The following RAPGEF6 variants were observed in gnomAD, a reference collection of about 807,000 sequenced individuals.
RAPGEF6 encodes PDZ domain containing guanine nucleotide exchange factor (GEF) 2.
Under a neutral mutation model 171.4 loss-of-function variants are expected in RAPGEF6, and 56 were observed. The observed-to-expected ratio is 0.33, with a 90% CI of 0.26 to 0.41. The LOEUF is 0.41. Ranked by LOEUF, RAPGEF6 falls within the 10% of genes least tolerant of loss-of-function variation. The probability of loss-of-function intolerance (pLI) is 1.00; values close to 1 mark genes in which losing one functional copy is unlikely to be tolerated. For missense variants in RAPGEF6, 1,674 were observed against 1,921.4 expected (o/e 0.87, Z 2.41); for synonymous variants, 692 against 650.1 (o/e 1.06, Z -0.98).
intron 15 of RAPGEF6, among the ~76,000 whole-genome samples, chr5:131,486,645 T>C (rs1284425032): frequency 6.6e-6 from 1 of 152,112 alleles, no homozygotes; most frequent in Non-Finnish European, 1.5e-5. Flanking sequence ...CAAACAAATG[T>C]TTTTGTCTGT....
chr5:131,533,737 T>C (rs1257954552), intron 6 of RAPGEF6, among the ~76,000 whole-genome samples: 1 of 152,052 alleles, frequency 6.6e-6, no homozygotes, highest in Non-Finnish European at 1.5e-5. Flanking sequence ...CTACACAACA[T>C]GGTACTTTCC....
intron 1 of RAPGEF6, among the ~76,000 whole-genome samples, chr5:131,607,288 A>G (rs1166019561): frequency 6.6e-6 from 1 of 152,178 alleles, no homozygotes; most frequent in Admixed American, 6.5e-5. Context: ...AATAGTTTCT[A>G]TTGTATTCTA....
At chr5:131,469,697 T>G in intron 17 of RAPGEF6, 1 of 817,972 alleles carries the variant, frequency 1.2e-6, no homozygotes, top group Non-Finnish European at 1.8e-6. Flanking sequence ...AGAAAAGTTG[T>G]GCTTACTACT....
intron 3 of RAPGEF6, among the ~76,000 whole-genome samples, chr5:131,601,497 GA>G (rs1456986253): frequency 6.6e-6 from 1 of 151,496 alleles, no homozygotes; most frequent in Non-Finnish European, 1.5e-5. Context: ...CAAATCAACA[GA>G]AATGATAAAG....
chr5:131,463,371 G>C (rs563815152), intron 18 of RAPGEF6, among the ~76,000 whole-genome samples: 34 of 152,238 alleles, frequency 2.2e-4, no homozygotes, highest in African/African-American at 8.2e-4. Context: ...TTGAGGTAAG[G>C]AGTTTGAGAC....
rs1221559561 is a variant in RAPGEF6, at chr5:131,424,339, T to A, written c.*2927A>T. 2 of 152,354 alleles carry A rather than the reference T, an allele frequency of 1.3e-5. No individual in the cohort carries two copies. The highest frequency in any genetic ancestry group is 2.9e-5 in the Non-Finnish European group (2 of 68,034). 9.4% of individuals were successfully genotyped at this position (152,354 alleles called of 1,614,324 possible). ...CAAGTTTAAATTTGAACATGTACTG[T>A]GACACTTTTGACACTTTTCTGAAGA... is the stretch of plus-strand genomic sequence containing the variant. On this transcript the variant is annotated 3_prime_UTR_variant, in exon 28 of 28. Coordinates refer to ENST00000509018, the MANE Select transcript of RAPGEF6 (RefSeq NM_016340.6).
intron 1 of RAPGEF6, among the ~76,000 whole-genome samples, chr5:131,606,931 G>T (rs1422870): frequency 0.63 from 96,421 of 151,968 alleles, 32,403 homozygotes; most frequent in Non-Finnish European, 0.77. Context: ...GAGGCTCTAC[G>T]GGGTAAAAGC....
intron 5 of RAPGEF6, among the ~76,000 whole-genome samples, chr5:131,548,926 T>A (rs1316212625): frequency 6.6e-6 from 1 of 152,150 alleles, no homozygotes; most frequent in Non-Finnish European, 1.5e-5. Context: ...AAGCCAGGCA[T>A]GGTGGTGTGC....
intron 1 of RAPGEF6, among the ~76,000 whole-genome samples, chr5:131,630,693 T>C (rs1403915326): frequency 2.0e-5 from 3 of 152,194 alleles, no homozygotes; most frequent in East Asian, 3.8e-4. Context: ...CTGTACTTGA[T>C]GTCTGGCTCA....
chr5:131,433,313 T>G (rs1751822622), intron 25 of RAPGEF6, 117 bp downstream of exon 25: 1 of 798,092 alleles, frequency 1.3e-6, no homozygotes, highest in African/African-American at 1.7e-5. Context: ...CCACATATTC[T>G]TTTATGGATA....
intron 15 of RAPGEF6, among the ~76,000 whole-genome samples, chr5:131,480,738 C>T (rs1755415939): frequency 6.6e-6 from 1 of 152,076 alleles, no homozygotes; most frequent in African/African-American, 2.4e-5. Context: ...CTCGGCCTCC[C>T]AAAGTGCTGG....
intron 2 of RAPGEF6, among the ~76,000 whole-genome samples, chr5:131,603,785 T>C (rs1464545222): frequency 6.6e-6 from 1 of 151,924 alleles, no homozygotes; most frequent in Non-Finnish European, 1.5e-5. Flanking sequence ...CTGATATAAT[T>C]ATTTGGCATA....
chr5:131,622,493 T>A (rs991256601), intron 1 of RAPGEF6, among the ~76,000 whole-genome samples: 3 of 152,248 alleles, frequency 2.0e-5, no homozygotes, highest in Non-Finnish European at 4.4e-5. Context: ...GCAATTTTAT[T>A]AAAATAGTGG....
intron 15 of RAPGEF6, among the ~76,000 whole-genome samples, chr5:131,485,102 G>A (rs868757271): frequency 6.6e-6 from 1 of 151,984 alleles, no homozygotes; most frequent in African/African-American, 2.4e-5. Context: ...AAATTTTAGT[G>A]TTTTGTAGAG....
intron 19 of RAPGEF6, among the ~76,000 whole-genome samples, chr5:131,457,144 C>T (rs997152756): frequency 2.0e-5 from 3 of 152,214 alleles, no homozygotes; most frequent in African/African-American, 7.2e-5. Context: ...TCACTGCAAC[C>T]TCTGCCTCCC....
chr5:131,532,007 G>A (rs1196407132), intron 6 of RAPGEF6: 4 of 326,582 alleles, frequency 1.2e-5, no homozygotes, highest in South Asian at 2.4e-5. Context: ...TATTTTTAAA[G>A]TTTAGAAAAG....
chr5:131,509,240 A>G (rs1221208774), intron 8 of RAPGEF6, among the ~76,000 whole-genome samples: 1 of 152,190 alleles, frequency 6.6e-6, no homozygotes, highest in Non-Finnish European at 1.5e-5. Flanking sequence ...AAAAAAATTT[A>G]TAATGTTTTA....
chr5:131,597,785 T>C (rs901246753), intron 3 of RAPGEF6, among the ~76,000 whole-genome samples: 2 of 152,154 alleles, frequency 1.3e-5, no homozygotes, highest in Non-Finnish European at 2.9e-5. Context: ...AATTCTGGTG[T>C]TCCATTGCAC....
intron 11 of RAPGEF6, among the ~76,000 whole-genome samples, chr5:131,500,516 A>C (rs1378020415): frequency 6.6e-6 from 1 of 152,226 alleles, no homozygotes. Context: ...AATTTTATTT[A>C]AAGATGAGCC....
Sources: gnomAD v4.1 joint callset for allele counts (sites outside exome capture counted in the v4.1 genomes callset) on GRCh38, gnomAD v4.1.1 for gene constraint, MANE v1.5 for transcripts, NCBI Gene and HGNC (gene_info 2026-07-23, HGNC 2026-07-21) for gene names.